Variants in GRID2 observed in about 807,000 individuals in gnomAD.
GRID2 encodes glutamate receptor ionotropic, delta-2.
A neutral mutation model predicts 114.8 loss-of-function variants in GRID2; 33 were observed. That is an observed-to-expected ratio of 0.29 (90% CI 0.22 to 0.38). GRID2 has a LOEUF of 0.38. GRID2 is among the 10% of genes least tolerant of loss of function. The probability of loss-of-function intolerance (pLI) is 1.00; values close to 1 mark genes in which losing one functional copy is unlikely to be tolerated. For synonymous variants in GRID2, 505 were observed against 449.9 expected (o/e 1.12, Z -1.55); for missense variants, 1,184 against 1,257.7 (o/e 0.94, Z 0.89).
chr4:92,577,932 A>C (rs973321266), intron 1 of GRID2, among the ~76,000 whole-genome samples: 4 of 152,074 alleles, frequency 2.6e-5, no homozygotes, highest in Admixed American at 2.0e-4. Flanking sequence ...TCACGATGGG[A>C]TTAGCTGGCC....
chr4:93,499,938 G>C (rs1259520902), intron 12 of GRID2, among the ~76,000 whole-genome samples: 1 of 151,684 alleles, frequency 6.6e-6, no homozygotes, highest in Non-Finnish European at 1.5e-5. Flanking sequence ...TTTTACCAGG[G>C]GAACATATTG....
intron 1 of GRID2, among the ~76,000 whole-genome samples, chr4:92,496,447 T>A (rs2149118684): frequency 6.6e-6 from 1 of 151,998 alleles, no homozygotes; most frequent in Non-Finnish European, 1.5e-5. Flanking sequence ...ACTTGCCTTT[T>A]GCCAACAGAA....
At chr4:93,703,012 G>A (rs536418353) in intron 14 of GRID2, among the ~76,000 whole-genome samples, 16 of 147,766 alleles carry the variant, frequency 1.1e-4, no homozygotes, top group Admixed American at 5.8e-4. Context: ...ATAACTGAAA[G>A]GGGTGAAGGA....
chr4:92,952,944 A>G (rs1752137233), intron 2 of GRID2, among the ~76,000 whole-genome samples: 1 of 152,174 alleles, frequency 6.6e-6, no homozygotes, highest in African/African-American at 2.4e-5. Context: ...GTAAGAGAGA[A>G]ATCTTTGCCA....
At chr4:93,277,516 C>T (rs1752179966) in intron 8 of GRID2, among the ~76,000 whole-genome samples, 1 of 151,382 alleles carries the variant, frequency 6.6e-6, no homozygotes. Context: ...ATTTTAAGTA[C>T]TTTTTGGCTA....
chr4:93,264,217 T>C (rs1397592112), intron 8 of GRID2, among the ~76,000 whole-genome samples: 3 of 152,144 alleles, frequency 2.0e-5, no homozygotes, highest in Non-Finnish European at 4.4e-5. Context: ...CCACATACAA[T>C]ATTGAAAGCA....
chr4:92,613,932 A>G (rs906248235), intron 2 of GRID2, among the ~76,000 whole-genome samples: 1 of 151,372 alleles, frequency 6.6e-6, no homozygotes, highest in African/African-American at 2.4e-5. Flanking sequence ...ATAATTCTGC[A>G]TATTTATGTG....
At chr4:93,668,950 G>A (rs975979378) in intron 14 of GRID2, among the ~76,000 whole-genome samples, 3 of 152,056 alleles carry the variant, frequency 2.0e-5, no homozygotes, top group Admixed American at 2.0e-4. Context: ...CGTGGCATCA[G>A]TTTTGACCAT....
At chr4:92,835,660 G>C (rs544631198) in intron 2 of GRID2, among the ~76,000 whole-genome samples, 12 of 152,156 alleles carry the variant, frequency 7.9e-5, no homozygotes, top group African/African-American at 2.9e-4. Flanking sequence ...CTTACCCCCA[G>C]GTGATTCTGA....
intron 8 of GRID2, among the ~76,000 whole-genome samples, chr4:93,281,463 T>C (rs1227454398): frequency 6.6e-6 from 1 of 151,940 alleles, no homozygotes; most frequent in Non-Finnish European, 1.5e-5. Flanking sequence ...TTAAGCGACA[T>C]GTTGAGGCAT....
chr4:92,671,426 C>A (rs1182888934), intron 2 of GRID2, among the ~76,000 whole-genome samples: 4 of 152,086 alleles, frequency 2.6e-5, no homozygotes, highest in Admixed American at 6.6e-5. Flanking sequence ...TTGTTAGATT[C>A]ATATTGTATC....
At chr4:93,660,755 G>C (rs1723418228) in intron 14 of GRID2, among the ~76,000 whole-genome samples, 1 of 152,088 alleles carries the variant, frequency 6.6e-6, no homozygotes, top group Non-Finnish European at 1.5e-5. Flanking sequence ...AGAAACAAGA[G>C]TTTATTATGC....
At chr4:93,661,421 C>T (rs962960882) in intron 14 of GRID2, among the ~76,000 whole-genome samples, 11 of 152,192 alleles carry the variant, frequency 7.2e-5, no homozygotes, top group East Asian at 3.9e-4. Context: ...TGACACTGAA[C>T]GGTGCTGAAG....
At chr4:93,067,913 A>G (rs149453995) in intron 2 of GRID2, among the ~76,000 whole-genome samples, 1 of 152,138 alleles carries the variant, frequency 6.6e-6, no homozygotes, top group East Asian at 1.9e-4. Flanking sequence ...ATATTTACAT[A>G]TTTAATTATA....
At chr4:92,630,230 A>C (rs947934200) in intron 2 of GRID2, among the ~76,000 whole-genome samples, 1 of 152,086 alleles carries the variant, frequency 6.6e-6, no homozygotes, top group Admixed American at 6.6e-5. Flanking sequence ...AGCAGAATAT[A>C]AAAAATGGCT....
chr4:93,006,627 C>T (rs1345204035), intron 2 of GRID2, among the ~76,000 whole-genome samples: 3 of 150,394 alleles, frequency 2.0e-5, no homozygotes, highest in South Asian at 2.1e-4. Flanking sequence ...TATCAGAAAA[C>T]CGTATAATAT....
chr4:92,896,555 A>ATT (rs1260580176), intron 2 of GRID2, among the ~76,000 whole-genome samples: 2 of 150,184 alleles, frequency 1.3e-5, no homozygotes, highest in Admixed American at 6.6e-5. Flanking sequence ...ATTTTATAAT[A>ATT]TTATATATAT....
chr4:92,381,983 C>T (rs1729641023), intron 1 of GRID2, among the ~76,000 whole-genome samples: 1 of 151,546 alleles, frequency 6.6e-6, no homozygotes, highest in Non-Finnish European at 1.5e-5. Flanking sequence ...ATTTTTCCCC[C>T]TAAGTGGAAA....
At chr4:92,491,227 T>C (rs1368054166) in intron 1 of GRID2, among the ~76,000 whole-genome samples, 1 of 152,160 alleles carries the variant, frequency 6.6e-6, no homozygotes, top group Non-Finnish European at 1.5e-5. Flanking sequence ...AGGAGACTTT[T>C]TGAATGAAAA....
Sources: allele counts gnomAD v4.1 joint callset (sites outside exome capture counted in the v4.1 genomes callset), GRCh38; gene constraint gnomAD v4.1.1; transcripts MANE v1.5; gene names NCBI Gene and HGNC (gene_info 2026-07-23, HGNC 2026-07-21).